The following USP36 variants were observed in gnomAD, a reference collection of about 807,000 sequenced individuals.
USP36 encodes the protein ubiquitin specific peptidase 36, also known as ubiquitin carboxyl-terminal hydrolase 36.
USP36 carries 59 observed loss-of-function variants against 111.5 expected under a neutral mutation model. The observed-to-expected ratio is 0.53, with a 90% CI of 0.43 to 0.66. The LOEUF is 0.66. Ranked by LOEUF, USP36 falls within the 30% of genes least tolerant of loss-of-function variation. The pLI, the probability that USP36 is intolerant of heterozygous loss-of-function variation, is 0.00. For missense variants in USP36, 1,488 were observed against 1,468.0 expected (o/e 1.01, Z -0.22); for synonymous variants, 628 against 581.0 (o/e 1.08, Z -1.16).
At chr17:78,814,866 A>G (rs1431596229) in intron 10 of USP36, among the ~76,000 whole-genome samples, 2 of 151,794 alleles carry the variant, frequency 1.3e-5, no homozygotes, top group African/African-American at 4.8e-5. Context: ...AACAAGAATC[A>G]CTTGAACCCG....
At position 78,807,222 on chromosome 17, in the gene USP36, T is replaced by A. The variant is rs866304291; in HGVS notation, c.1822A>T (p.Arg608Trp). 2.5e-6 allele frequency: 4 copies of A among 1,613,970 alleles called. No homozygotes were observed. The Middle Eastern group carries it at 6.6e-4, about 266-fold the overall frequency. ...TCTGGGCTGGAGCTGCTGGAGCCCC[T>A]CCTGTCGAGGCCAGCGCTCTCGTCG... Reference protein sequence around the residue: ...GNDESAGLDRRGSSSSSPEHS... With the variant: ...GNDESAGLDRWGSSSSSPEHS... Residue 608 changes from arginine (R) to tryptophan (W), a missense_variant, in exon 14 of 21, where the codon AGG becomes TGG. Physicochemically the swap from Arg to Trp is moderately radical, Grantham distance 101. Coordinates refer to ENST00000449938, the MANE Select transcript of USP36 (RefSeq NM_001385174.1).
chr17:78,805,029 C>A (rs936271566), intron 15 of USP36, among the ~76,000 whole-genome samples: 1 of 152,040 alleles, frequency 6.6e-6, no homozygotes, highest in African/African-American at 2.4e-5. Context: ...ATGAGCAAGG[C>A]GTGTCCGGGA....
chr17:78,811,483 C>G (rs1455168817), intron 13 of USP36, among the ~76,000 whole-genome samples: 2 of 152,156 alleles, frequency 1.3e-5, no homozygotes, highest in East Asian at 3.9e-4. Context: ...TGTGTATTTC[C>G]AAAGAACAAA....
At chr17:78,819,512 G>A (rs1208025123) in intron 9 of USP36, among the ~76,000 whole-genome samples, 3 of 152,258 alleles carry the variant, frequency 2.0e-5, no homozygotes, top group Non-Finnish European at 4.4e-5. Context: ...CACTCCTTAA[G>A]AGGCAAGAGA....
chr17:78,823,376 C>A lies in USP36; in HGVS notation c.690-1372G>T, dbSNP rs537809230. On this transcript the variant is annotated intron_variant, in intron 6 of 20. Transcript: ENST00000449938. ...AACCCCTCTGTCATCCAGAAGCCCG[C>A]AAGCACCAGCGCCCGCAGGGCCACA... Among the ~76,000 whole-genome samples the A allele has an allele frequency of 4.6e-5, 7 of 152,288 alleles. No homozygotes were observed. In the East Asian group the frequency reaches 1.2e-3, roughly 25 times the overall value.
chr17:78,831,225 C>CAAAAAAAAAAAAA (rs33980218), intron 4 of USP36, among the ~76,000 whole-genome samples: 2 of 13,530 alleles, frequency 1.5e-4, no homozygotes, highest in African/African-American at 6.8e-4. Context: ...AACTCCATCT[C>CAAAAAAAAAAAAA]AAAAAAAAAA....
chr17:78,807,298 T>C lies in USP36; in HGVS notation c.1746A>G (p.Ser582=). 1 of 1,613,832 alleles carries C rather than the reference T, an allele frequency of 6.2e-7. No homozygotes were observed. Among genetic ancestry groups the C allele is most frequent in the Non-Finnish European group, 8.5e-7 (1 of 1,179,914 alleles). Residue 582 remains serine (S), a synonymous_variant, in exon 14 of 21, where the codon TCA becomes TCG. Transcript: ENST00000449938. The part of the protein sequence containing the change: ...WDSRDVVLST[S]PKLLATATAN... ...CAGTGGCTGTAGCCAGGAGCTTAGG[T>C]GAGGTAGAGAGGACAACATCCCTGC...
chr17:78,788,996 G>C (rs540667441), intron 3 of USP36, among the ~76,000 whole-genome samples: 1 of 151,514 alleles, frequency 6.6e-6, no homozygotes, highest in East Asian at 1.9e-4. Flanking sequence ...TCAGGAGTTC[G>C]AGACCAGCCT....
Position 78,807,321 on chromosome 17 carries a change from T to G in USP36, c.1723A>C (p.Arg575=). 1 of 1,614,202 alleles carries G rather than the reference T, an allele frequency of 6.2e-7. No homozygotes were observed. Among genetic ancestry groups the G allele is most frequent in the East Asian group, 2.2e-5 (1 of 44,876 alleles). The change falls in exon 14 of 21, where the codon AGG becomes CGG. Residue 575 remains arginine, a synonymous_variant. Coordinates refer to ENST00000449938, the MANE Select transcript of USP36 (RefSeq NM_001385174.1). Reference sequence around the variant, plus strand: ...GGTGAGGTAGAGAGGACAACATCCCTGCTGTCCCAGGAGCCCTGCCTTTGG... The same window carrying G: ...GGTGAGGTAGAGAGGACAACATCCCGGCTGTCCCAGGAGCCCTGCCTTTGG... The part of the protein sequence containing the change: ...GSQRQGSWDS[R]DVVLSTSPKL...
rs2093642260 is a variant in USP36 at position 78,797,219 on chromosome 17, A to G, written c.*681T>C. On this transcript the variant is annotated 3_prime_UTR_variant, in exon 21 of 21. Transcript: ENST00000449938. ...GAATAAACAGCAGCCTGGAAAGCAG[A>G]TGTATTCGCAGGTATCGAGGGCTCC... The G allele has an allele frequency of 6.6e-6, 1 of 152,248 alleles. No individual in the cohort carries two copies. Among genetic ancestry groups the G allele is most frequent in the Non-Finnish European group, 1.5e-5 (1 of 68,048 alleles). 9.4% of individuals were successfully genotyped at this position (152,248 alleles called of 1,614,324 possible).
At chr17:78,822,068 T>A (rs369154381) in intron 6 of USP36, 64 bp from the exon 7 acceptor site, 1 of 1,590,114 alleles carries the variant, frequency 6.3e-7, no homozygotes, top group South Asian at 1.1e-5. Flanking sequence ...GATGGCCCCA[T>A]CCCAGCAGCC....
chr17:78,839,915 C>T (rs2069092500), intron 1 of USP36, among the ~76,000 whole-genome samples: 1 of 152,244 alleles, frequency 6.6e-6, no homozygotes, highest in Non-Finnish European at 1.5e-5. Context: ...CCCCAGCCAG[C>T]ACCATTTAGG....
chr17:78,798,844 C>A lies in USP36; in HGVS notation c.3240+64G>T. ...CCACTGCCGCCACCTCCAACTGCCC[C>A]GGCTCTGAGCTGAGCCACGCCGCCC... On this transcript the variant is annotated intron_variant, in intron 19 of 20. Coordinates refer to ENST00000449938, the MANE Select transcript of USP36 (RefSeq NM_001385174.1). This position sits in a 1 kb window ranked among gnomAD's most constrained non-coding sequence, Gnocchi z 5.1. 1 of 1,579,170 alleles carries A rather than the reference C, an allele frequency of 6.3e-7. No individual in the cohort carries two copies. Among genetic ancestry groups the A allele is most frequent in the Non-Finnish European group, 8.7e-7 (1 of 1,151,952 alleles).
rs1219767735 is a variant in USP36, at chr17:78,807,523, T to G, written c.1521A>C (p.Pro507=). The stretch of plus-strand genomic sequence containing the variant: ...GGGAAGGGGACCCCGAGGGCAGCTT[T>G]GGAGGAATGCAGCCGTTCTGGGACT... ...GLKSQNGCIP[P]KLPSGSPSPK... is the part of the protein sequence containing the mutation. The change falls in exon 14 of 21, where the codon CCA becomes CCC. Residue 507 remains proline (P), a synonymous_variant. Coordinates refer to ENST00000449938, the MANE Select transcript of USP36 (RefSeq NM_001385174.1). The G allele has an allele frequency of 3.1e-6, 5 of 1,613,668 alleles. No homozygotes were observed. In the African/African-American group the frequency reaches 5.3e-5, roughly 17 times the overall value.
intron 5 of USP36, among the ~76,000 whole-genome samples, chr17:78,827,942 G>A (rs113341332): frequency 1.7e-4 from 26 of 152,204 alleles, no homozygotes; most frequent in African/African-American, 4.8e-4. Context: ...TGTAAAATCC[G>A]GCAGGATGCA....
intron 6 of USP36, among the ~76,000 whole-genome samples, 191 bp from the exon 7 acceptor site, chr17:78,822,195 A>G (rs1397451303): frequency 6.6e-6 from 1 of 152,140 alleles, no homozygotes; most frequent in Non-Finnish European, 1.5e-5. Context: ...CTCTCTGCAG[A>G]GCTCTGACCT....
At chr17:78,819,751 T>C (rs2094273793) in intron 9 of USP36, among the ~76,000 whole-genome samples, 179 bp downstream of exon 9, 1 of 152,248 alleles carries the variant, frequency 6.6e-6, no homozygotes, top group East Asian at 1.9e-4. Flanking sequence ...ATAAAAATCA[T>C]AGCTATTGCT....
At chr17:78,808,790 C>A (rs771868545) in intron 13 of USP36, among the ~76,000 whole-genome samples, 4 of 151,980 alleles carry the variant, frequency 2.6e-5, no homozygotes, top group Non-Finnish European at 4.4e-5. Context: ...GAGGCTGTAC[C>A]CGTTATCTCT....
intron 17 of USP36, 132 bp downstream of exon 17, chr17:78,802,192 G>A (rs2144992452): frequency 4.0e-6 from 2 of 496,484 alleles, no homozygotes; most frequent in South Asian, 3.5e-5. Context: ...GCACACCCAC[G>A]CGGTCCAACC....
Sources: gnomAD v4.1 joint callset for allele counts (sites outside exome capture counted in the v4.1 genomes callset) on GRCh38, gnomAD v4.1.1 for gene constraint, Gnocchi (gnomAD v3.1) non-coding constraint, MANE v1.5 for transcripts, NCBI Gene and HGNC (gene_info 2026-07-23, HGNC 2026-07-21) for gene names.